Variants in EYS observed in about 807,000 individuals in gnomAD.
EYS encodes the protein protein eyes shut homolog.
A neutral mutation model predicts 282.1 loss-of-function variants in EYS; 250 were observed. The observed-to-expected ratio is 0.89, with a 90% CI of 0.80 to 0.98. The LOEUF (loss-of-function observed/expected upper bound fraction) is 0.98. Among genes scored for constraint, EYS ranks in the 50% least tolerant of loss-of-function variants. The pLI, the probability that EYS is intolerant of heterozygous loss-of-function variation, is 0.00. For missense variants in EYS, 4,016 were observed against 3,709.0 expected, an observed-to-expected ratio of 1.08 and a Z score of -2.15; for synonymous variants, 1,355 against 1,282.9, an observed-to-expected ratio of 1.06 and a Z score of -1.20.
intron 36 of EYS, among the ~76,000 whole-genome samples, chr6:63,844,335 T>C (rs1772042940): frequency 6.6e-6 from 1 of 152,224 alleles, no homozygotes; most frequent in East Asian, 1.9e-4. Flanking sequence ...AGCATCTTTA[T>C]AATAGAATCA....
intron 40 of EYS, among the ~76,000 whole-genome samples, chr6:63,768,870 A>G (rs966069930): frequency 2.0e-5 from 3 of 152,150 alleles, no homozygotes. Context: ...GTACATATAT[A>G]CCATGGAATA....
intron 1 of EYS, among the ~76,000 whole-genome samples, chr6:65,672,752 C>A (rs1371102989): frequency 6.6e-6 from 1 of 152,056 alleles, no homozygotes. Flanking sequence ...ACAACATCAA[C>A]AAAGACAGAA....
At chr6:65,661,944 A>T (rs1243523954) in intron 1 of EYS, among the ~76,000 whole-genome samples, 1 of 152,056 alleles carries the variant, frequency 6.6e-6, no homozygotes, top group East Asian at 1.9e-4. Flanking sequence ...TAATGAAAGG[A>T]TGGAGAGGCA....
At chr6:64,258,118 C>G (rs1434940271) in intron 30 of EYS, among the ~76,000 whole-genome samples, 4 of 152,032 alleles carry the variant, frequency 2.6e-5, no homozygotes. Flanking sequence ...TCCAATCAAT[C>G]TGCTTTACCT....
At chr6:64,783,218 C>A (rs1012768418) in intron 22 of EYS, among the ~76,000 whole-genome samples, 18 of 152,022 alleles carry the variant, frequency 1.2e-4, no homozygotes, top group African/African-American at 4.1e-4. Flanking sequence ...CTATGATTGT[C>A]CTATTTCATT....
intron 12 of EYS, among the ~76,000 whole-genome samples, chr6:65,210,521 G>T (rs1211325416): frequency 6.6e-6 from 1 of 151,910 alleles, no homozygotes; most frequent in Non-Finnish European, 1.5e-5. Context: ...TTAAAACAAA[G>T]ACTGCAGTTA....
At chr6:64,652,764 T>C (rs1768609032) in intron 22 of EYS, among the ~76,000 whole-genome samples, 1 of 150,954 alleles carries the variant, frequency 6.6e-6, no homozygotes, top group Non-Finnish European at 1.5e-5. Flanking sequence ...CCTCTACATG[T>C]AGCGATAAAG....
chr6:64,695,311 A>G (rs1770534512), intron 22 of EYS, among the ~76,000 whole-genome samples: 1 of 152,128 alleles, frequency 6.6e-6, no homozygotes, highest in Non-Finnish European at 1.5e-5. Context: ...CTGGAGGTCA[A>G]CTTGCACAGC....
intron 2 of EYS, among the ~76,000 whole-genome samples, chr6:65,545,269 C>T (rs1374043254): frequency 6.6e-6 from 1 of 151,188 alleles, no homozygotes; most frequent in Non-Finnish European, 1.5e-5. Context: ...TCATTATTGC[C>T]TCTAAATATT....
chr6:63,752,259 G>A (rs1769356218), intron 41 of EYS, among the ~76,000 whole-genome samples: 1 of 152,032 alleles, frequency 6.6e-6, no homozygotes, highest in African/African-American at 2.4e-5. Context: ...ACCATCTAAT[G>A]AGTGTTAAAT....
At chr6:63,733,174 G>A (rs867920115) in intron 41 of EYS, among the ~76,000 whole-genome samples, 2 of 152,218 alleles carry the variant, frequency 1.3e-5, no homozygotes, top group South Asian at 4.2e-4. Context: ...AATAGATAAA[G>A]TCAGAGAGGT....
intron 2 of EYS, among the ~76,000 whole-genome samples, chr6:65,602,413 G>T (rs1457909961): frequency 1.3e-5 from 2 of 151,816 alleles, no homozygotes; most frequent in African/African-American, 2.4e-5. Context: ...ATTAGTTGAG[G>T]CTTTTAAATA....
chr6:65,658,793 A>T (rs1318934795), intron 1 of EYS, among the ~76,000 whole-genome samples: 1 of 151,734 alleles, frequency 6.6e-6, no homozygotes, highest in Non-Finnish European at 1.5e-5. Flanking sequence ...TTCCAACACT[A>T]ACCCAACTCT....
Position 65,142,030 on chromosome 6 carries a change from A to G in EYS, c.2024-84303T>C, listed in dbSNP as rs1321930. ...GAGCAAACATGTGTAACTCCAGTAC[A>G]CTATCATTAACTACAGTCCTCATGT... On this transcript the variant is annotated intron_variant, in intron 12 of 42. Transcript: ENST00000503581. Among the ~76,000 whole-genome samples, 1,422 of 152,172 alleles carry G rather than the reference A, an allele frequency of 9.3e-3. 15 individuals carry two copies. The highest frequency in any genetic ancestry group is 0.032 in the African/African-American group (1,345 of 41,556).
At chr6:64,044,197 A>C (rs1261815808) in intron 33 of EYS, among the ~76,000 whole-genome samples, 1 of 152,230 alleles carries the variant, frequency 6.6e-6, no homozygotes, top group Non-Finnish European at 1.5e-5. Context: ...TGGAAAACAC[A>C]TATTTTCTAT....
At chr6:64,326,101 G>T (rs2150387409) in intron 29 of EYS, among the ~76,000 whole-genome samples, 1 of 152,310 alleles carries the variant, frequency 6.6e-6, no homozygotes, top group South Asian at 2.1e-4. Context: ...TAGGCATATT[G>T]TCATCATGAA....
intron 41 of EYS, among the ~76,000 whole-genome samples, chr6:63,735,668 T>G (rs189520045): frequency 4.6e-5 from 7 of 152,240 alleles, no homozygotes; most frequent in Admixed American, 2.6e-4. Context: ...GGAGTCAACA[T>G]TGATACAACA....
rs1009846414 is a variant in EYS, at chr6:63,753,146, A to G, written c.8071+9315T>C. Among the ~76,000 whole-genome samples the G allele has an allele frequency of 5.5e-3, 572 of 104,066 alleles. 4 individuals are homozygous for G. Among genetic ancestry groups the G allele is most frequent in the African/African-American group, 0.022 (517 of 23,088 alleles). 68.3% of individuals were successfully genotyped at this position (104,066 alleles called of 152,430 possible). A position where few individuals can be genotyped will look rare whatever the true frequency, so the allele number is the denominator to read the frequency against. ...TGTGTGTATGTGTGTGTGTGTATATATATATATATATATATATATATGTAT... is the reference window on the plus strand; with the variant it reads ...TGTGTGTATGTGTGTGTGTGTATATGTATATATATATATATATATATGTAT... On this transcript the variant is annotated intron_variant, in intron 41 of 42. Coordinates refer to ENST00000503581, the MANE Select transcript of EYS (RefSeq NM_001142800.2).
rs893513168 is a variant in EYS at position 64,912,629 on chromosome 6, T to A, written c.2496A>T (p.Gln832His). The change falls in exon 16 of 43, where the codon CAA becomes CAT. Residue 832 changes from glutamine to histidine, a missense_variant. Physicochemically the swap from Gln to His is conservative, Grantham distance 24 (BLOSUM62 0). Coordinates refer to ENST00000503581, the MANE Select transcript of EYS (RefSeq NM_001142800.2). ...AAAGGGGTGGGCACAGACATACAAA[T>A]TGTCCAGGGATGGTAGATTCATGAC... The part of the protein sequence containing the change: ...GLCHESTIPG[Q>H]FVCLCPPLYT... 1 of 1,551,032 alleles carries A rather than the reference T, an allele frequency of 6.4e-7. No homozygotes were observed. Among genetic ancestry groups the A allele is most frequent in the African/African-American group, 1.4e-5 (1 of 73,118 alleles).
Sources: gnomAD v4.1 joint callset for allele counts (sites outside exome capture counted in the v4.1 genomes callset) on GRCh38, gnomAD v4.1.1 for gene constraint, MANE v1.5 for transcripts, NCBI Gene and HGNC (gene_info 2026-07-23, HGNC 2026-07-21) for gene names.